SNTG1: variants seen among roughly 807,000 people sequenced by gnomAD.
SNTG1 encodes gamma-1-syntrophin.
A neutral mutation model predicts 74.7 loss-of-function variants in SNTG1; 39 were observed. The observed-to-expected ratio is 0.52, with a 90% CI of 0.40 to 0.68. The LOEUF is 0.68. Among genes scored for constraint, SNTG1 ranks in the 30% least tolerant of loss-of-function variants. The pLI, the probability that SNTG1 is intolerant of heterozygous loss-of-function variation, is 0.00. For missense variants in SNTG1, 685 were observed against 609.5 expected (o/e 1.12, Z -1.30); for synonymous variants, 254 against 217.1 (o/e 1.17, Z -1.49).
chr8:50,345,576 T>C (rs1488454178), intron 2 of SNTG1, among the ~76,000 whole-genome samples: 4 of 152,056 alleles, frequency 2.6e-5, no homozygotes, highest in Admixed American at 1.3e-4. Flanking sequence ...CATAGGGAGG[T>C]GGGTGTATTA....
At chr8:50,010,958 A>G (rs1457200537) in intron 1 of SNTG1, among the ~76,000 whole-genome samples, 6 of 152,044 alleles carry the variant, frequency 3.9e-5, no homozygotes, top group Non-Finnish European at 1.5e-5. Context: ...GTAGTGAAAT[A>G]ATTTCCCTAA....
At chr8:50,154,010 A>G (rs960259769) in intron 1 of SNTG1, among the ~76,000 whole-genome samples, 7 of 152,156 alleles carry the variant, frequency 4.6e-5, no homozygotes, top group African/African-American at 1.7e-4. Context: ...GGTGGAGTCT[A>G]CAGAGGCATG....
At position 50,075,257 on chromosome 8, in the gene SNTG1, C is replaced by G. The variant is rs557299838; in HGVS notation, c.-102-97304C>G. On this transcript the variant is annotated intron_variant, in intron 1 of 18. Transcript: ENST00000642720. Reference sequence around the variant, plus strand: ...AGGGGCTGAGCAGTGCAGGCCTGCCCGTGGGACTGACTGACTGGCGGCCCC... The same window carrying G: ...AGGGGCTGAGCAGTGCAGGCCTGCCGGTGGGACTGACTGACTGGCGGCCCC... Among the ~76,000 whole-genome samples, 291 of 152,278 alleles carry G rather than the reference C, an allele frequency of 1.9e-3. 1 individual carries two copies. Among genetic ancestry groups the G allele is most frequent in the African/African-American group, 6.7e-3 (280 of 41,572 alleles).
At chr8:50,363,422 T>A (rs912243390) in intron 2 of SNTG1, among the ~76,000 whole-genome samples, 1 of 152,176 alleles carries the variant, frequency 6.6e-6, no homozygotes, top group Admixed American at 6.5e-5. Context: ...CAAGCTGATC[T>A]AGGGAACTGC....
At chr8:50,017,942 A>G (rs528389458) in intron 1 of SNTG1, among the ~76,000 whole-genome samples, 1 of 152,116 alleles carries the variant, frequency 6.6e-6, no homozygotes, top group East Asian at 1.9e-4. Context: ...CTCAGCACTT[A>G]ATCACAGCAG....
At chr8:50,684,740 C>CTT (rs71235319) in intron 15 of SNTG1, among the ~76,000 whole-genome samples, 16 of 135,158 alleles carry the variant, frequency 1.2e-4, no homozygotes, top group South Asian at 4.7e-4. Flanking sequence ...TTTTTTTTTT[C>CTT]TTTTTTTTTA....
chr8:50,782,213 G>A (rs1461216463), intron 18 of SNTG1, among the ~76,000 whole-genome samples: 3 of 152,046 alleles, frequency 2.0e-5, no homozygotes, highest in Admixed American at 2.0e-4. Context: ...AAGTATCTTT[G>A]TGGTGTTCTC....
At chr8:50,639,025 C>T (rs2131160346) in intron 13 of SNTG1, among the ~76,000 whole-genome samples, 1 of 151,892 alleles carries the variant, frequency 6.6e-6, no homozygotes, top group East Asian at 1.9e-4. Flanking sequence ...TCAAATTATT[C>T]AATTATTGAG....
At chr8:50,644,704 G>A (rs2095095987) in intron 13 of SNTG1, among the ~76,000 whole-genome samples, 1 of 152,094 alleles carries the variant, frequency 6.6e-6, no homozygotes, top group Non-Finnish European at 1.5e-5. Context: ...CTCCTGTGTT[G>A]TTGAAGGGTC....
At chr8:50,143,245 C>G (rs1459873037) in intron 1 of SNTG1, among the ~76,000 whole-genome samples, 2 of 152,090 alleles carry the variant, frequency 1.3e-5, no homozygotes, top group East Asian at 3.9e-4. Flanking sequence ...ATTTCCAATA[C>G]TCACAATAAT....
chr8:50,660,390 G>A (rs1299970439), intron 15 of SNTG1, among the ~76,000 whole-genome samples: 3 of 67,410 alleles, frequency 4.5e-5, no homozygotes, highest in Admixed American at 1.8e-4. Flanking sequence ...AGGAAGGAAG[G>A]AAGAAAAAGA....
intron 3 of SNTG1, among the ~76,000 whole-genome samples, chr8:50,395,567 G>A (rs192024304): frequency 7.4e-4 from 110 of 149,108 alleles, no homozygotes; most frequent in Admixed American, 1.5e-3. Flanking sequence ...GCAGTGGCGC[G>A]ATCTCGGCTC....
chr8:50,399,519 C>T (rs1439510888), intron 3 of SNTG1, among the ~76,000 whole-genome samples: 1 of 152,098 alleles, frequency 6.6e-6, no homozygotes, highest in African/African-American at 2.4e-5. Context: ...CAGGGAAAAC[C>T]CTTCTAACAT....
chr8:49,914,058 A>T (rs189600066), intron 1 of SNTG1, among the ~76,000 whole-genome samples: 2 of 152,294 alleles, frequency 1.3e-5, no homozygotes, highest in East Asian at 1.9e-4. Context: ...AACCCTTGTC[A>T]ATCCTTATCT....
chr8:50,063,274 A>G lies in SNTG1; in HGVS notation c.-102-109287A>G, dbSNP rs992851158. ...TCAGAGATGAATTCATAGAAACAGGAATTGAAAAGACTGAGAATTTCCAGA... is the reference window on the plus strand; with the variant it reads ...TCAGAGATGAATTCATAGAAACAGGGATTGAAAAGACTGAGAATTTCCAGA... On this transcript the variant is annotated intron_variant, in intron 1 of 18. Coordinates refer to ENST00000642720, the MANE Select transcript of SNTG1 (RefSeq NM_018967.5). Among the ~76,000 whole-genome samples, 31 of 152,258 alleles carry G rather than the reference A, an allele frequency of 2.0e-4. 1 individual carries two copies. The highest frequency in any genetic ancestry group is 2.0e-3 in the Admixed American group (31 of 15,288).
intron 13 of SNTG1, among the ~76,000 whole-genome samples, chr8:50,627,636 T>A (rs1247120017): frequency 1.3e-5 from 2 of 152,218 alleles, no homozygotes; most frequent in Non-Finnish European, 2.9e-5. Context: ...AGGGTTCCCA[T>A]GACCCCACCT....
chr8:50,076,054 C>G (rs1821852219), intron 1 of SNTG1, among the ~76,000 whole-genome samples: 1 of 152,142 alleles, frequency 6.6e-6, no homozygotes, highest in Admixed American at 6.5e-5. Flanking sequence ...GACCACAAAT[C>G]TTCAATTTGT....
At chr8:50,557,167 A>C (rs1029208321) in intron 12 of SNTG1, among the ~76,000 whole-genome samples, 5 of 150,860 alleles carry the variant, frequency 3.3e-5, no homozygotes, top group Non-Finnish European at 5.9e-5. Context: ...GATCCCTCCT[A>C]CAGTATCAGG....
intron 1 of SNTG1, among the ~76,000 whole-genome samples, chr8:50,013,735 A>G (rs1307363010): frequency 6.6e-6 from 1 of 152,132 alleles, no homozygotes; most frequent in Non-Finnish European, 1.5e-5. Flanking sequence ...TGGCAATTTT[A>G]TATAATTGTA....
Sources: gnomAD v4.1 joint callset for allele counts (sites outside exome capture counted in the v4.1 genomes callset) on GRCh38, gnomAD v4.1.1 for gene constraint, MANE v1.5 for transcripts, NCBI Gene and HGNC (gene_info 2026-07-23, HGNC 2026-07-21) for gene names.